The following WIPF1 variants were observed in gnomAD, a reference collection of about 807,000 sequenced individuals.
The protein encoded by WIPF1 is WAS/WASL-interacting protein family member 1.
Under a neutral mutation model 35.4 loss-of-function variants are expected in WIPF1, and 13 were observed. The observed-to-expected ratio is 0.37, with a 90% CI of 0.24 to 0.58. WIPF1 has a LOEUF of 0.58. Among genes scored for constraint, WIPF1 ranks in the 20% least tolerant of loss-of-function variants. WIPF1 has a pLI of 0.74. For synonymous variants in WIPF1, 267 were observed against 266.3 expected, an observed-to-expected ratio of 1.00 and a Z score of -0.02; for missense variants, 591 against 667.0, an observed-to-expected ratio of 0.89 and a Z score of 1.25.
intron 1 of WIPF1, among the ~76,000 whole-genome samples, chr2:174,642,332 C>A (rs929194567): frequency 6.7e-6 from 1 of 148,870 alleles, no homozygotes; most frequent in Non-Finnish European, 1.5e-5. Flanking sequence ...TTCATTACTT[C>A]CTTCCTCCAC....
intron 1 of WIPF1, among the ~76,000 whole-genome samples, chr2:174,593,959 G>T (rs556651301): frequency 1.3e-5 from 2 of 152,328 alleles, no homozygotes; most frequent in South Asian, 2.1e-4. Flanking sequence ...GCAAAAGGCA[G>T]AGAAGAGGAA....
chr2:174,670,758 T>A (rs986952394), intron 1 of WIPF1, among the ~76,000 whole-genome samples: 2 of 152,182 alleles, frequency 1.3e-5, no homozygotes, highest in Non-Finnish European at 2.9e-5. Context: ...CAACTAACAG[T>A]CAGGTCAGAA....
chr2:174,678,364 A>G (rs1420402374), intron 1 of WIPF1, among the ~76,000 whole-genome samples: 1 of 152,194 alleles, frequency 6.6e-6, no homozygotes, highest in African/African-American at 2.4e-5. Flanking sequence ...AGCTAATTGT[A>G]TCTCCTGTTT....
At chr2:174,615,714 G>T (rs999171507) in intron 1 of WIPF1, among the ~76,000 whole-genome samples, 6 of 152,136 alleles carry the variant, frequency 3.9e-5, no homozygotes, top group African/African-American at 1.4e-4. Context: ...AAGTATCAAA[G>T]ATTAAGTGGA....
chr2:174,663,701 T>A (rs1687829176), intron 1 of WIPF1, among the ~76,000 whole-genome samples: 1 of 152,234 alleles, frequency 6.6e-6, no homozygotes, highest in East Asian at 1.9e-4. Flanking sequence ...GGAACACGCA[T>A]GCAGGTTTTT....
intron 1 of WIPF1, among the ~76,000 whole-genome samples, chr2:174,675,810 T>A (rs888011785): frequency 6.6e-6 from 1 of 151,052 alleles, no homozygotes; most frequent in African/African-American, 2.4e-5. Context: ...TTTTGCTTGT[T>A]TCCTCTGTGT....
chr2:174,577,823 G>A (rs1018753850), intron 3 of WIPF1, among the ~76,000 whole-genome samples: 5 of 151,920 alleles, frequency 3.3e-5, no homozygotes, highest in African/African-American at 4.8e-5. Flanking sequence ...GGAGGCTGAG[G>A]TGGGAGGATC....
Position 174,561,912 on chromosome 2 carries a change from A to T in WIPF1, c.*635T>A. ...AAAAAATAATATAAAATATCTCATT[A>T]AAATTTTATGTTGATTACAGGTTGA... On this transcript the variant is annotated 3_prime_UTR_variant, in exon 8 of 8. Transcript: ENST00000679041. The T allele has an allele frequency of 1.3e-6, 1 of 761,404 alleles. No homozygotes were observed. The highest frequency in any genetic ancestry group is 2.0e-6 in the Non-Finnish European group (1 of 490,388). 47.2% of individuals were successfully genotyped at this position (761,404 alleles called of 1,614,324 possible).
At chr2:174,562,752 G>A in intron 7 of WIPF1, 150 bp from the exon 8 acceptor site, 1 of 1,040,122 alleles carries the variant, frequency 9.6e-7, no homozygotes, top group Non-Finnish European at 1.4e-6. Flanking sequence ...TGAGAAGTGA[G>A]AGGTGAAAAC....
intron 1 of WIPF1, among the ~76,000 whole-genome samples, chr2:174,646,293 A>C (rs772337440): frequency 1.3e-5 from 2 of 152,214 alleles, no homozygotes; most frequent in Non-Finnish European, 2.9e-5. Flanking sequence ...ATTTAGGAGC[A>C]CATCAAACGG....
chr2:174,616,111 A>C (rs1318088361), intron 1 of WIPF1, among the ~76,000 whole-genome samples: 1 of 152,198 alleles, frequency 6.6e-6, no homozygotes, highest in Non-Finnish European at 1.5e-5. Flanking sequence ...CTCAAACACA[A>C]AGATAGTTCA....
chr2:174,642,519 T>C (rs1456409450), intron 1 of WIPF1, among the ~76,000 whole-genome samples: 4 of 151,788 alleles, frequency 2.6e-5, no homozygotes, highest in Non-Finnish European at 5.9e-5. Flanking sequence ...GCTAATTTTT[T>C]TGTATTTTTA....
intron 6 of WIPF1, 148 bp downstream of exon 6, chr2:174,567,713 C>A: frequency 2.4e-6 from 2 of 839,678 alleles, no homozygotes; most frequent in Non-Finnish European, 3.4e-6. Flanking sequence ...CATGGTGGGC[C>A]TTAGAATGGT....
At position 174,670,505 on chromosome 2, in the gene WIPF1, T is replaced by A. The variant is rs544881076; in HGVS notation, c.-39+12269A>T. On this transcript the variant is annotated intron_variant, in intron 1 of 8. Transcript: ENST00000272746. ...CCCAGGTAGACAAGTTGGTCTAACC[T>A]CTCTGCAAGGAAGAAAGTCCACAGG... Among the ~76,000 whole-genome samples the A allele has an allele frequency of 3.3e-5, 5 of 152,338 alleles. No individual in the cohort carries two copies. The South Asian group carries it at 8.3e-4, about 25-fold the overall frequency.
chr2:174,673,290 T>C (rs1688059101), intron 1 of WIPF1: 2 of 152,176 alleles, frequency 1.3e-5, no homozygotes, highest in Admixed American at 6.5e-5. Flanking sequence ...TATTTTCAAG[T>C]GGTGGAGAGT....
Position 174,590,793 on chromosome 2 carries a change from A to G in WIPF1, c.-38-5182T>C, listed in dbSNP as rs1398549655. ...CACTTTTCAGAATTAATTTCTTTTT[A>G]AGAATAATTTCAATGTTAAGTAACT... On this transcript the variant is annotated intron_variant, in intron 1 of 7. Transcript: ENST00000679041. The surrounding 1 kb of genome is among the most constrained non-coding windows in gnomAD (Gnocchi z 4.6). Among the ~76,000 whole-genome samples the G allele has an allele frequency of 6.6e-6, 1 of 152,202 alleles. No individual in the cohort carries two copies. The highest frequency in any genetic ancestry group is 6.5e-5 in the Admixed American group (1 of 15,290).
At chr2:174,575,122 G>A (rs1685003518) in intron 4 of WIPF1, 82 bp downstream of exon 4, 1 of 1,431,952 alleles carries the variant, frequency 7.0e-7, no homozygotes, top group East Asian at 2.3e-5. Flanking sequence ...AGGGCGAAGA[G>A]CCTTAGAGGC....
chr2:174,585,548 G>GGGGT lies in WIPF1; in HGVS notation c.25_26insACCC (p.Pro9HisfsTer20). On this transcript the variant is annotated frameshift_variant, in exon 2 of 8. Transcript: ENST00000679041. LOFTEE classifies it high-confidence loss of function. Reference sequence around the variant, plus strand: ...CAGTGCAAACGTCGGGGGCGGCGGGGGTGCTGGAGGGGGAGGGACAGGCAT... The same window carrying GGGGT: ...CAGTGCAAACGTCGGGGGCGGCGGGGGGGTGTGCTGGAGGGGGAGGGACAGGCAT... 6.2e-7 allele frequency: 1 copy of GGGGT among 1,611,962 alleles called. No homozygotes were observed. The highest frequency in any genetic ancestry group is 1.7e-5 in the Admixed American group (1 of 59,238).
rs1684502577 is a variant in WIPF1 at position 174,562,199 on chromosome 2, T to C, written c.*348A>G. 2 of 1,550,186 alleles carry C rather than the reference T, an allele frequency of 1.3e-6. No homozygotes were observed. Among genetic ancestry groups the C allele is most frequent in the Middle Eastern group, 1.7e-4 (1 of 6,014 alleles). On this transcript the variant is annotated 3_prime_UTR_variant, in exon 8 of 8. Coordinates refer to ENST00000679041, the MANE Select transcript of WIPF1 (RefSeq NM_001375834.1). ...GGGAGAAAACAGCTCTCAGGGACTTTAATAATTACAGTCTGTAACAAATAA... is the reference window on the plus strand; with the variant it reads ...GGGAGAAAACAGCTCTCAGGGACTTCAATAATTACAGTCTGTAACAAATAA...
Sources: allele counts gnomAD v4.1 joint callset (sites outside exome capture counted in the v4.1 genomes callset), GRCh38; gene constraint gnomAD v4.1.1; non-coding constraint Gnocchi (gnomAD v3.1); transcripts MANE v1.5; gene names NCBI Gene and HGNC (gene_info 2026-07-23, HGNC 2026-07-21).